The following HACD1 variants were observed in gnomAD, a reference collection of about 807,000 sequenced individuals.
HACD1 encodes 3-hydroxyacyl-CoA dehydratase 1, also known as very-long-chain (3R)-3-hydroxyacyl-CoA dehydratase 1.
A neutral mutation model predicts 32.0 loss-of-function variants in HACD1; 41 were observed. The ratio of observed to expected loss-of-function variants is 1.28; its 90% confidence interval spans 1.00 to 1.66. The LOEUF is 1.66. HACD1 is among the 40% of genes most tolerant of loss of function. The pLI is 0.00. For missense variants in HACD1, 396 were observed against 380.1 expected (o/e 1.04, Z -0.35); for synonymous variants, 142 against 139.0 (o/e 1.02, Z -0.15).
intron 1 of HACD1, chr10:17,616,003 T>C (rs189332486): frequency 3.1e-4 from 73 of 236,092 alleles, no homozygotes; most frequent in Middle Eastern, 3.4e-3. Flanking sequence ...GCGGGATGGC[T>C]CACGCTTGTA....
chr10:17,591,915 G>A (rs373233120), intron 6 of HACD1, among the ~76,000 whole-genome samples: 3 of 150,544 alleles, frequency 2.0e-5, no homozygotes, highest in Admixed American at 6.6e-5. Context: ...ATAAAATTCC[G>A]AGTAGCTGAA....
chr10:17,603,579 A>G lies in HACD1; in HGVS notation c.464T>C (p.Ile155Thr). Reference sequence around the variant, plus strand: ...ACTTACTGGTTTTATACTGTGAGTAATGAGCCACACCATAAAGATTCTTGA... The same window carrying G: ...ACTTACTGGTTTTATACTGTGAGTAGTGAGCCACACCATAAAGATTCTTGA... ...VSSRIFMVWLITHSIKPIQNE... is the reference protein window; with the variant it reads ...VSSRIFMVWLTTHSIKPIQNE... Residue 155 changes from isoleucine to threonine, a missense_variant, in exon 4 of 7, where the codon ATT (isoleucine) becomes ACT (threonine). Transcript: ENST00000361271. 6.2e-7 allele frequency: 1 copy of G among 1,612,272 alleles called. No individual in the cohort carries two copies. Among genetic ancestry groups the G allele is most frequent in the Admixed American group, 1.7e-5 (1 of 60,008 alleles).
Position 17,589,990 on chromosome 10 carries a change from A to G in HACD1, c.*374T>C, listed in dbSNP as rs1428527842. ...TAATTTTGCATTTATTTTCATTTAT[A>G]AATATCACATAAATATCACTAGCAG... On this transcript the variant is annotated 3_prime_UTR_variant, in exon 7 of 7. Coordinates refer to ENST00000361271, the MANE Select transcript of HACD1 (RefSeq NM_014241.4). 1 of 153,624 alleles carries G rather than the reference A, an allele frequency of 6.5e-6. No homozygotes were observed. Among genetic ancestry groups the G allele is most frequent in the East Asian group, 1.9e-4 (1 of 5,274 alleles). The allele number at this position is 153,624 out of a possible 1,614,324, so 9.5% of individuals were successfully genotyped here. A position where few individuals can be genotyped will look rare whatever the true frequency, so the allele number is the denominator to read the frequency against.
chr10:17,602,456 C>T (rs1834084367), intron 4 of HACD1, among the ~76,000 whole-genome samples: 1 of 152,074 alleles, frequency 6.6e-6, no homozygotes, highest in South Asian at 2.1e-4. Context: ...TAATTAGATT[C>T]AATAATTAGG....
At chr10:17,605,140 G>C (rs1834127459) in intron 1 of HACD1, among the ~76,000 whole-genome samples, 3 of 152,178 alleles carry the variant, frequency 2.0e-5, no homozygotes, top group African/African-American at 7.2e-5. Flanking sequence ...CAGAGTTTCA[G>C]TTTTGCAAGA....
Position 17,600,038 on chromosome 10 carries a change from G to T in HACD1, c.484-627C>A, listed in dbSNP as rs530536979. Among the ~76,000 whole-genome samples the T allele has an allele frequency of 4.6e-5, 7 of 152,238 alleles. No individual in the cohort carries two copies. The South Asian group carries it at 1.5e-3, about 32-fold the overall frequency. ...CTAATACCTGGGCACCATATTCAAG[G>T]TTCTTTGCAATCCTTGCTCGGAAAT... On this transcript the variant is annotated intron_variant, in intron 4 of 6. Coordinates refer to ENST00000361271, the MANE Select transcript of HACD1 (RefSeq NM_014241.4).
chr10:17,612,506 A>C (rs782256300), intron 1 of HACD1, among the ~76,000 whole-genome samples: 11 of 152,238 alleles, frequency 7.2e-5, no homozygotes, highest in Non-Finnish European at 1.0e-4. Flanking sequence ...TTGTACAATC[A>C]TATGAAAGAA....
chr10:17,597,384 C>T (rs782203827), intron 5 of HACD1, among the ~76,000 whole-genome samples: 7 of 152,176 alleles, frequency 4.6e-5, no homozygotes, highest in Non-Finnish European at 1.0e-4. Flanking sequence ...GTGATCCGCC[C>T]ACCTTGGCCT....
intron 4 of HACD1, among the ~76,000 whole-genome samples, chr10:17,599,675 A>G (rs557607837): frequency 6.6e-6 from 1 of 152,212 alleles, no homozygotes; most frequent in African/African-American, 2.4e-5. Flanking sequence ...CTATCATCAG[A>G]GGACAATGTT....
chr10:17,612,820 A>G (rs12768517), intron 1 of HACD1, among the ~76,000 whole-genome samples: 23,072 of 151,218 alleles, frequency 0.15, 1,892 homozygotes, highest in East Asian at 0.29. Flanking sequence ...TACTCAGGAG[A>G]CTGAGGCAGG....
At chr10:17,594,479 A>G (rs2131503730) in intron 5 of HACD1, 96 bp from the exon 6 acceptor site, 1 of 962,692 alleles carries the variant, frequency 1.0e-6, no homozygotes, top group Non-Finnish European at 1.4e-6. Flanking sequence ...AAACTTCAAA[A>G]TTCTCTTTTC....
chr10:17,599,350 C>T lies in HACD1; in HGVS notation c.545G>A (p.Arg182His), dbSNP rs1554816285. The stretch of plus-strand genomic sequence containing the variant: ...AAGGCTGAATGTGTAGAAGGAATAG[C>T]GAGTGATCTCTGTCACAGTCCACGC... ...LVAWTVTEIT[R>H]YSFYTFSLLD... is the part of the protein sequence containing the mutation. Residue 182 changes from arginine (R) to histidine (H), a missense_variant, in exon 5 of 7, where the codon CGC becomes CAC. By Grantham distance (29) the Arg-to-His change is conservative. Coordinates refer to ENST00000361271, the MANE Select transcript of HACD1 (RefSeq NM_014241.4). 10 of 1,613,952 alleles carry T rather than the reference C, an allele frequency of 6.2e-6. No homozygotes were observed. Among genetic ancestry groups the T allele is most frequent in the Non-Finnish European group, 8.5e-6 (10 of 1,179,990 alleles).
At chr10:17,596,695 C>T (rs1833999721) in intron 5 of HACD1, among the ~76,000 whole-genome samples, 4 of 151,334 alleles carry the variant, frequency 2.6e-5, no homozygotes, top group Non-Finnish European at 5.9e-5. Flanking sequence ...ATGGATAGAC[C>T]ACATTAAAAA....
At position 17,594,235 on chromosome 10, in the gene HACD1, G is replaced by A; in HGVS notation, c.754C>T (p.Leu252Phe). 6.3e-7 allele frequency: 1 copy of A among 1,580,208 alleles called. No individual in the cohort carries two copies. The highest frequency in any genetic ancestry group is 8.6e-7 in the Non-Finnish European group (1 of 1,164,530). The part of the protein sequence containing the change: ...YNVSFDYYYF[L>F]LITMASYIPL... ...ATATATGATGCCATGGTTATAAGAA[G>A]AAAATAATAGTAGTCAAAAGAGACA... The change falls in exon 6 of 7, where the codon CTT becomes TTT. Residue 252 changes from leucine (L) to phenylalanine (F), a missense_variant. Transcript: ENST00000361271.
Position 17,590,213 on chromosome 10 carries a change from CA to C in HACD1, c.*150del. The C allele has an allele frequency of 2.0e-6, 1 of 506,510 alleles. No individual in the cohort carries two copies. 31.4% of individuals were successfully genotyped at this position (506,510 alleles called of 1,614,324 possible). ...AAATAGATCTGGCACAAGAGGAACA[CA>C]AATACTGGCAAATACCACGTGTCTC... On this transcript the variant is annotated 3_prime_UTR_variant, in exon 7 of 7. Transcript: ENST00000361271.
At chr10:17,593,225 G>T (rs1175747220) in intron 6 of HACD1, among the ~76,000 whole-genome samples, 6 of 152,046 alleles carry the variant, frequency 3.9e-5, no homozygotes, top group Non-Finnish European at 7.4e-5. Context: ...AGTTTTATGC[G>T]CATCTCCTTT....
rs200831092 is a variant in HACD1 at position 17,603,660 on chromosome 10, A to C, written c.395-12T>G. 5.3e-5 allele frequency: 85 copies of C among 1,610,674 alleles called. No homozygotes were observed. Among genetic ancestry groups the C allele is most frequent in the Non-Finnish European group, 6.8e-5 (80 of 1,177,260 alleles). ...AGTAGGTACAATTCCTTAAAAAGAA[A>C]AACAAGTGAACTATTGCCCTAAAGG... On this transcript the variant is annotated splice_polypyrimidine_tract_variant and intron_variant, in intron 3 of 6. Transcript: ENST00000361271.
intron 5 of HACD1, among the ~76,000 whole-genome samples, chr10:17,596,688 G>A (rs1307887535): frequency 1.3e-5 from 2 of 151,548 alleles, no homozygotes; most frequent in African/African-American, 4.8e-5. Flanking sequence ...TTTAACTATG[G>A]ATAGACCACA....
intron 1 of HACD1, chr10:17,615,770 C>T: frequency 5.0e-6 from 2 of 398,896 alleles, no homozygotes; most frequent in Non-Finnish European, 5.1e-6. Flanking sequence ...AGTTCGAGAC[C>T]ACCCTGGCCA....
Sources: allele counts gnomAD v4.1 joint callset (sites outside exome capture counted in the v4.1 genomes callset), GRCh38; gene constraint gnomAD v4.1.1; transcripts MANE v1.5; gene names NCBI Gene and HGNC (gene_info 2026-07-23, HGNC 2026-07-21).